SSH2: variants seen among roughly 807,000 people sequenced by gnomAD.
SSH2 encodes slingshot protein phosphatase 2.
A neutral mutation model predicts 135.2 loss-of-function variants in SSH2; 37 were observed. The observed-to-expected ratio is 0.27, with a 90% confidence interval of 0.21 to 0.36. The LOEUF is 0.36. Among genes scored for constraint, SSH2 ranks in the 10% least tolerant of loss-of-function variants. The pLI is 1.00. For synonymous variants in SSH2, 628 were observed against 646.2 expected, an observed-to-expected ratio of 0.97 and a Z score of 0.43; for missense variants, 1,408 against 1,765.3, an observed-to-expected ratio of 0.80 and a Z score of 3.63.
intron 5 of SSH2, among the ~76,000 whole-genome samples, chr17:29,687,838 A>G (rs1159735751): frequency 6.6e-6 from 1 of 152,164 alleles, no homozygotes; most frequent in East Asian, 1.9e-4. Flanking sequence ...TGTTTCTGAC[A>G]ATTTATTTAC....
chr17:29,806,136 C>A (rs183726333), intron 2 of SSH2, among the ~76,000 whole-genome samples: 1 of 152,280 alleles, frequency 6.6e-6, no homozygotes, highest in East Asian at 1.9e-4. Flanking sequence ...GCATGCGGCA[C>A]CCATCATAAG....
intron 1 of SSH2, chr17:29,925,635 C>T (rs1462224484): frequency 1.0e-5 from 4 of 391,384 alleles, no homozygotes; most frequent in East Asian, 3.6e-5. Context: ...CTTGAGCCCA[C>T]GAACTTGAGG....
At chr17:29,676,729 A>C in intron 8 of SSH2, 91 bp downstream of exon 8, 1 of 1,057,750 alleles carries the variant, frequency 9.5e-7, no homozygotes, top group Non-Finnish European at 1.4e-6. Context: ...TAGCATTTTC[A>C]TAGCAAACTG....
At chr17:29,912,341 T>A (rs1413776753) in intron 1 of SSH2, among the ~76,000 whole-genome samples, 1 of 152,238 alleles carries the variant, frequency 6.6e-6, no homozygotes, top group African/African-American at 2.4e-5. Context: ...AATTTATTGT[T>A]AGATAAACCA....
At chr17:29,907,468 T>A (rs1741989391) in intron 1 of SSH2, among the ~76,000 whole-genome samples, 2 of 152,374 alleles carry the variant, frequency 1.3e-5, no homozygotes, top group South Asian at 2.1e-4. Context: ...TTTACTTATG[T>A]AACAAACCTG....
At chr17:29,847,975 T>C (rs986829227) in intron 2 of SSH2, among the ~76,000 whole-genome samples, 4 of 152,188 alleles carry the variant, frequency 2.6e-5, no homozygotes, top group Non-Finnish European at 5.9e-5. Flanking sequence ...TTGCAGACTC[T>C]GGGTACACTA....
chr17:29,862,565 A>G (rs1445256532), intron 1 of SSH2, among the ~76,000 whole-genome samples: 2 of 152,214 alleles, frequency 1.3e-5, no homozygotes, highest in African/African-American at 4.8e-5. Context: ...GAGCCGTTAC[A>G]TGAAACACTG....
chr17:29,711,318 C>G lies in SSH2; in HGVS notation c.189-8256G>C, dbSNP rs147421330. ...TCAAGATTGAGAGACAAATTCCAAT[C>G]TGGACGAAACTTCCTGGTCTTTTCA... On this transcript the variant is annotated intron_variant, in intron 3 of 15. Transcript: ENST00000540801. Among the ~76,000 whole-genome samples the G allele has an allele frequency of 8.7e-3, 1,319 of 152,344 alleles. 16 individuals are homozygous for G. The highest frequency in any genetic ancestry group is 0.027 in the African/African-American group (1,115 of 41,568).
chr17:29,900,294 A>C (rs1198193693), intron 1 of SSH2, among the ~76,000 whole-genome samples: 4 of 152,230 alleles, frequency 2.6e-5, no homozygotes, highest in Non-Finnish European at 4.4e-5. Flanking sequence ...GATCTAATTA[A>C]ACTAAAGAGC....
In SSH2 at chr17:29,930,151, G is replaced by A. The variant is rs938166055; in HGVS notation, c.-151C>T. 13 of 705,592 alleles carry A rather than the reference G, an allele frequency of 1.8e-5. No homozygotes were observed. The South Asian group carries it at 2.4e-4, about 13-fold the overall frequency. The allele number at this position is 705,592 out of a possible 1,614,324, so 43.7% of individuals were successfully genotyped here. ...GGCCGCGGGAACGGCCGCAGACTCC[G>A]CACCCACCACCAGACTGTCGCCGAC... On this transcript the variant is annotated 5_prime_UTR_variant, in exon 1 of 16. Coordinates refer to ENST00000540801, the MANE Select transcript of SSH2 (RefSeq NM_001282129.2).
Position 29,795,868 on chromosome 17 carries a change from A to G in SSH2, c.145-1931T>C, listed in dbSNP as rs892796361. Among the ~76,000 whole-genome samples, 4 of 152,044 alleles carry G rather than the reference A, an allele frequency of 2.6e-5. 1 individual carries two copies. The East Asian group carries it at 7.7e-4, about 29-fold the overall frequency. On this transcript the variant is annotated intron_variant, in intron 2 of 15. Transcript: ENST00000540801. The stretch of plus-strand genomic sequence containing the variant: ...GCAATTCTCCAGTCTCAGCCTCCCA[A>G]GTAGCTGGGACTACAGGTGCCCGCC...
At chr17:29,644,085 G>C (rs1050313114) in intron 14 of SSH2, among the ~76,000 whole-genome samples, 3 of 152,094 alleles carry the variant, frequency 2.0e-5, no homozygotes, top group African/African-American at 7.2e-5. Flanking sequence ...CTACTTTTTT[G>C]TTTCTTTTTA....
chr17:29,661,557 G>T (rs1022286197), intron 11 of SSH2, among the ~76,000 whole-genome samples: 4 of 152,174 alleles, frequency 2.6e-5, no homozygotes, highest in Non-Finnish European at 5.9e-5. Context: ...GGGAGGCTCT[G>T]AAGGCTCTGC....
chr17:29,630,822 C>A lies in SSH2; in HGVS notation c.*19G>T. ...TTTACAAACATTTCTTCTAGAAAGT[C>A]ACATGTGTAGGCTCAGAATCACATG... On this transcript the variant is annotated 3_prime_UTR_variant, in exon 16 of 16. Coordinates refer to ENST00000540801, the MANE Select transcript of SSH2 (RefSeq NM_001282129.2). 1 of 1,514,990 alleles carries A rather than the reference C, an allele frequency of 6.6e-7. No individual in the cohort carries two copies. The highest frequency in any genetic ancestry group is 1.3e-5 in the South Asian group (1 of 75,232). 93.8% of individuals were successfully genotyped at this position (1,514,990 alleles called of 1,614,324 possible). A position where few individuals can be genotyped will look rare whatever the true frequency, so the allele number is the denominator to read the frequency against.
chr17:29,929,796 G>C, intron 1 of SSH2, 142 bp downstream of exon 1: 1 of 725,612 alleles, frequency 1.4e-6, no homozygotes, highest in South Asian at 1.7e-5. Flanking sequence ...TAACATGGGG[G>C]TGTGGGGGGG....
At position 29,672,042 on chromosome 17, in the gene SSH2, A is replaced by G. The variant is rs2037517142; in HGVS notation, c.702T>C (p.Ser234=). The G allele has an allele frequency of 1.2e-6, 2 of 1,613,954 alleles. No homozygotes were observed. The highest frequency in any genetic ancestry group is 2.7e-5 in the African/African-American group (2 of 74,880). Residue 234 remains serine (S), a synonymous_variant, in exon 9 of 16, where the codon AGT becomes AGC. Coordinates refer to ENST00000540801, the MANE Select transcript of SSH2 (RefSeq NM_001282129.2). ...CTGAGTTGATATGGCTCTCATAATA[A>G]CTCACCCAAGTGAGAAATAGGCTGC... ...YPGSLFLTWV[S]YYESHINSDQ...
intron 3 of SSH2, among the ~76,000 whole-genome samples, chr17:29,728,437 T>C (rs1354722911): frequency 2.0e-5 from 3 of 152,226 alleles, no homozygotes; most frequent in Non-Finnish European, 4.4e-5. Context: ...TCCATGTTCA[T>C]GGATTGAAAG....
At chr17:29,777,456 C>T (rs2041728082) in intron 3 of SSH2, among the ~76,000 whole-genome samples, 1 of 152,114 alleles carries the variant, frequency 6.6e-6, no homozygotes, top group Admixed American at 6.5e-5. Flanking sequence ...AAGTGTTATT[C>T]AGGAACAACC....
chr17:29,653,989 T>C (rs1303640802), intron 12 of SSH2, among the ~76,000 whole-genome samples: 2 of 152,184 alleles, frequency 1.3e-5, no homozygotes, highest in African/African-American at 2.4e-5. Context: ...ATAAAGCAGA[T>C]GCAATGTTAT....
Sources: gnomAD v4.1 joint callset for allele counts (sites outside exome capture counted in the v4.1 genomes callset) on GRCh38, gnomAD v4.1.1 for gene constraint, MANE v1.5 for transcripts, NCBI Gene and HGNC (gene_info 2026-07-23, HGNC 2026-07-21) for gene names.